LRRC41: variants seen among roughly 807,000 people sequenced by gnomAD.
The protein encoded by LRRC41 is leucine rich repeat containing 41.
LRRC41 carries 17 observed loss-of-function variants against 72.1 expected under a neutral mutation model. That is an observed-to-expected ratio of 0.24 (90% CI 0.16 to 0.35). LRRC41 has a LOEUF of 0.35. Among genes scored for constraint, LRRC41 ranks in the 10% least tolerant of loss-of-function variants. LRRC41 has a pLI of 1.00. For synonymous variants in LRRC41, 427 were observed against 431.0 expected (o/e 0.99, Z 0.11); for missense variants, 759 against 1,065.0 (o/e 0.71, Z 4.00).
chr1:46,281,513 C>T, intron 4 of LRRC41, 128 bp from the exon 5 acceptor site: 1 of 909,794 alleles, frequency 1.1e-6, no homozygotes, highest in Non-Finnish European at 1.7e-6. Flanking sequence ...TTATTTAAAC[C>T]CATTTGTCTT....
At chr1:46,298,721 G>A (rs993468256) in intron 1 of LRRC41, 10 of 174,364 alleles carry the variant, frequency 5.7e-5, no homozygotes, top group African/African-American at 2.1e-4. Context: ...GTGATAAAAG[G>A]TCTTTCATAA....
chr1:46,279,749 A>G lies in LRRC41; in HGVS notation c.2021-135T>C. On this transcript the variant is annotated intron_variant, in intron 7 of 9. Transcript: ENST00000617190. This position sits in a 1 kb window ranked among gnomAD's most constrained non-coding sequence, Gnocchi z 4.5. ...GAGGAAGGAATTTGTCTAGACTCCA[A>G]GCAAGGCTGGAACTAAATCAGAATC... is the stretch of plus-strand genomic sequence containing the variant. 1 of 1,033,208 alleles carries G rather than the reference A, an allele frequency of 9.7e-7. No individual in the cohort carries two copies. The highest frequency in any genetic ancestry group is 1.4e-6 in the Non-Finnish European group (1 of 697,960). 64.0% of individuals were successfully genotyped at this position (1,033,208 alleles called of 1,614,324 possible).
chr1:46,303,562 T>C lies in LRRC41; in HGVS notation c.-240A>G. On this transcript the variant is annotated 5_prime_UTR_variant, in exon 1 of 10. Transcript: ENST00000617190. ...TGTTTCTTAGCAAAGCCTCCTCGGGTGCAAACATCAGCTACCCCTAACCTC... is the reference window on the plus strand; with the variant it reads ...TGTTTCTTAGCAAAGCCTCCTCGGGCGCAAACATCAGCTACCCCTAACCTC... 1 of 804,178 alleles carries C rather than the reference T, an allele frequency of 1.2e-6. No individual in the cohort carries two copies. Among genetic ancestry groups the C allele is most frequent in the Non-Finnish European group, 1.9e-6 (1 of 516,718 alleles). The allele number at this position is 804,178 out of a possible 1,614,324, so 49.8% of individuals were successfully genotyped here.
chr1:46,281,049 C>T (rs1240189755), intron 5 of LRRC41, 76 bp downstream of exon 5: 5 of 1,567,030 alleles, frequency 3.2e-6, no homozygotes, highest in Non-Finnish European at 4.3e-6. Flanking sequence ...TCCCCTTTCC[C>T]CATACGAATG....
intron 5 of LRRC41, among the ~76,000 whole-genome samples, chr1:46,280,861 G>A (rs1277375616): frequency 6.6e-6 from 1 of 152,174 alleles, no homozygotes; most frequent in African/African-American, 2.4e-5. Context: ...TACAGCAGGG[G>A]AACTAATCCA....
intron 4 of LRRC41, 110 bp from the exon 5 acceptor site, chr1:46,281,495 G>T: frequency 9.2e-7 from 1 of 1,088,700 alleles, no homozygotes; most frequent in Non-Finnish European, 1.3e-6. Context: ...CTTGGGCTTT[G>T]GCTCAGCTTA....
intron 3 of LRRC41, among the ~76,000 whole-genome samples, chr1:46,290,128 C>T (rs79119809): frequency 0.045 from 6,816 of 152,152 alleles, 272 homozygotes; most frequent in African/African-American, 0.098. Flanking sequence ...AAATCATGGA[C>T]GAGGCATGGT....
intron 1 of LRRC41, among the ~76,000 whole-genome samples, chr1:46,301,585 G>A (rs759364490): frequency 1.3e-5 from 2 of 152,074 alleles, no homozygotes; most frequent in South Asian, 2.1e-4. Flanking sequence ...CCACAGCCAA[G>A]GGCCTCCCCG....
At position 46,297,547 on chromosome 1, in the gene LRRC41, T is replaced by C; in HGVS notation, c.357+16A>G. 1 of 1,610,928 alleles carries C rather than the reference T, an allele frequency of 6.2e-7. No individual in the cohort carries two copies. ...TGCAAAATCAGGCTAGCATTCTACC[T>C]GATACCTTAACTTACTTCCAAACTG... is the stretch of plus-strand genomic sequence containing the variant. On this transcript the variant is annotated intron_variant, in intron 3 of 9. Coordinates refer to ENST00000617190, the MANE Select transcript of LRRC41 (RefSeq NM_006369.5).
chr1:46,285,660 A>C lies in LRRC41; in HGVS notation c.1197T>G (p.Gly399=). The stretch of plus-strand genomic sequence containing the variant: ...CACCAGGCCCCTGACGGGTGCGAGC[A>C]CCCTTCTTCCCTGCAGCTCGCTTGA... The part of the protein sequence containing the change: ...KRFKRAAGKK[G]ARTRQGPGAE... Residue 399 remains glycine, a synonymous_variant, in exon 4 of 10, where the codon GGT becomes GGG. Transcript: ENST00000617190. This position sits in a 1 kb window ranked among gnomAD's most constrained non-coding sequence, Gnocchi z 5.3. 1 of 1,614,066 alleles carries C rather than the reference A, an allele frequency of 6.2e-7. No individual in the cohort carries two copies. Among genetic ancestry groups the C allele is most frequent in the African/African-American group, 1.3e-5 (1 of 75,020 alleles).
Position 46,303,246 on chromosome 1 carries a change from G to T in LRRC41, c.77C>A (p.Thr26Lys). The T allele has an allele frequency of 1.3e-6, 2 of 1,552,208 alleles. No individual in the cohort carries two copies. The highest frequency in any genetic ancestry group is 2.4e-5 in the East Asian group (1 of 41,170). Residue 26 changes from threonine to lysine, a missense_variant, in exon 1 of 10, where the codon ACG becomes AAG. Around this residue, in one of 4 missense-constraint regions of LRRC41, gnomAD observed 106 missense variants for 66.1 expected, o/e 1.60. Transcript: ENST00000617190. ...EVAAATTMEA[T>K]SREAAPAKSS... ...CTTCGCTGGCGCCGCCTCCCGGGAC[G>T]TGGCCTCCATGGTCGTTGCCGCCGC...
intron 3 of LRRC41, among the ~76,000 whole-genome samples, chr1:46,288,399 A>T (rs1244069652): frequency 1.3e-5 from 2 of 152,226 alleles, no homozygotes; most frequent in Non-Finnish European, 2.9e-5. Flanking sequence ...GATCAAAATG[A>T]AGTAGTACAA....
intron 1 of LRRC41, chr1:46,299,805 A>G (rs1201592180): frequency 6.6e-6 from 1 of 152,122 alleles, no homozygotes; most frequent in Non-Finnish European, 1.5e-5. Context: ...TGAACTCAGG[A>G]GGTAGAGACT....
At chr1:46,301,831 C>G (rs934274839) in intron 1 of LRRC41, 3 of 449,838 alleles carry the variant, frequency 6.7e-6, no homozygotes, top group Non-Finnish European at 8.8e-6. Flanking sequence ...TCTCCTGCCC[C>G]CCTCCCCAGC....
At chr1:46,295,351 G>A (rs757098846) in intron 3 of LRRC41, among the ~76,000 whole-genome samples, 12 of 152,282 alleles carry the variant, frequency 7.9e-5, no homozygotes, top group South Asian at 4.1e-4. Flanking sequence ...GTGAGCCACC[G>A]TGCCTGACCT....
intron 3 of LRRC41, among the ~76,000 whole-genome samples, chr1:46,296,390 G>A (rs530158506): frequency 2.0e-4 from 31 of 152,166 alleles, no homozygotes; most frequent in Non-Finnish European, 3.5e-4. Flanking sequence ...GCACTCCGGC[G>A]TGGACAACAA....
In LRRC41 at chr1:46,285,790, C is replaced by G. The variant is rs150541277; in HGVS notation, c.1067G>C (p.Arg356Pro). Residue 356 changes from arginine to proline, a missense_variant, in exon 4 of 10, where the codon CGG becomes CCG. Transcript: ENST00000617190. The surrounding 1 kb of genome is among the most constrained non-coding windows in gnomAD (Gnocchi z 5.3). ...ATSHEAPGTK[R>P]SPSAPAATSS... Reference sequence around the variant, plus strand: ...GGTGGCTGCTGGAGCAGAAGGTGACCGCTTGGTGCCAGGAGCCTCATGGGA... The same window carrying G: ...GGTGGCTGCTGGAGCAGAAGGTGACGGCTTGGTGCCAGGAGCCTCATGGGA... 3.1e-6 allele frequency: 5 copies of G among 1,593,948 alleles called. No individual in the cohort carries two copies. In the African/African-American group the frequency reaches 4.1e-5, roughly 13 times the overall value.
At chr1:46,294,151 A>G (rs573715956) in intron 3 of LRRC41, among the ~76,000 whole-genome samples, 23 of 150,800 alleles carry the variant, frequency 1.5e-4, no homozygotes, top group Non-Finnish European at 2.5e-4. Flanking sequence ...TTCTGGCTCT[A>G]TTGCCCAGGC....
intron 7 of LRRC41, 101 bp downstream of exon 7, chr1:46,280,091 G>T: frequency 1.1e-6 from 1 of 881,124 alleles, no homozygotes; most frequent in East Asian, 2.5e-5. Context: ...TTATAGCTGA[G>T]GACACAAGGC....
Sources: allele counts gnomAD v4.1 joint callset (sites outside exome capture counted in the v4.1 genomes callset), GRCh38; gene constraint gnomAD v4.1.1; regional missense constraint gnomAD v4.1.1; non-coding constraint Gnocchi (gnomAD v3.1); transcripts MANE v1.5; gene names NCBI Gene and HGNC (gene_info 2026-07-23, HGNC 2026-07-21).